The following NECTIN3 variants were observed in gnomAD, a reference collection of about 807,000 sequenced individuals.
NECTIN3 encodes nectin cell adhesion molecule 3, also known as nectin-3.
In NECTIN3, 8 loss-of-function variants were observed where a neutral mutation model predicts 49.4. That is an observed-to-expected ratio of 0.16 (90% CI 0.10 to 0.29). The LOEUF is 0.29. NECTIN3 is among the 10% of genes least tolerant of loss of function. The pLI is 1.00. For synonymous variants in NECTIN3, 277 were observed against 241.1 expected, an observed-to-expected ratio of 1.15 and a Z score of -1.38; for missense variants, 581 against 654.6, an observed-to-expected ratio of 0.89 and a Z score of 1.23.
At chr3:111,127,113 G>A (rs2034194281) in intron 5 of NECTIN3, among the ~76,000 whole-genome samples, 1 of 152,080 alleles carries the variant, frequency 6.6e-6, no homozygotes, top group African/African-American at 2.4e-5. Context: ...TCTAACAAAT[G>A]GAAAATTAAG....
At chr3:111,139,260 G>A (rs893674198), downstream of NECTIN3, among the ~76,000 whole-genome samples, 4 of 151,642 alleles carry the variant, frequency 2.6e-5, no homozygotes, top group Non-Finnish European at 5.9e-5. Context: ...CTAATTGTAT[G>A]TATTTTGCAG....
rs6804912 is a variant in NECTIN3, at chr3:111,193,129, G to A, written c.63+716G>A. 0.028 allele frequency: 37,339 copies of A among 1,325,906 alleles called. 3,089 individuals carry two copies. Among genetic ancestry groups the A allele is most frequent in the African/African-American group, 0.24 (16,256 of 67,940 alleles). 82.1% of individuals were successfully genotyped at this position (1,325,906 alleles called of 1,614,324 possible). On this transcript the variant is annotated intron_variant, in intron 1 of 1. Transcript: ENST00000485506. ...CTAAACTGTAGTGAATTCTATTCTT[G>A]CCTGTTTTTACCAGTGCTAGAAAAA...
intron 1 of NECTIN3, among the ~76,000 whole-genome samples, chr3:111,083,120 G>A (rs2031724006): frequency 6.6e-6 from 1 of 152,144 alleles, no homozygotes; most frequent in South Asian, 2.1e-4. Flanking sequence ...TTTCTGCTGT[G>A]CGGTCCAGTT....
chr3:111,072,597 C>T lies in NECTIN3; in HGVS notation c.160+420C>T, dbSNP rs1158490295. On this transcript the variant is annotated intron_variant, in intron 1 of 5. Coordinates refer to ENST00000485303, the MANE Select transcript of NECTIN3 (RefSeq NM_015480.3). ...AGCCCAGAAACCCTAGGGACCGGAG[C>T]CCGATGGAATGAAGCCTCCGGGTCC... 3.3e-6 allele frequency: 5 copies of T among 1,531,392 alleles called. No individual in the cohort carries two copies. The African/African-American group carries it at 5.5e-5, about 17-fold the overall frequency. 94.9% of individuals were successfully genotyped at this position (1,531,392 alleles called of 1,614,324 possible).
intron 7 of NECTIN3, among the ~76,000 whole-genome samples, chr3:111,155,381 T>C (rs996416798): frequency 6.6e-6 from 1 of 152,200 alleles, no homozygotes; most frequent in Non-Finnish European, 1.5e-5. Context: ...ACTTGATTGA[T>C]TCATGAGTAA....
At chr3:111,121,390 G>T (rs1331840399) in intron 3 of NECTIN3, among the ~76,000 whole-genome samples, 1 of 152,134 alleles carries the variant, frequency 6.6e-6, no homozygotes, top group African/African-American at 2.4e-5. Context: ...ATGAATGATA[G>T]TTATTGGACT....
intron 1 of NECTIN3, among the ~76,000 whole-genome samples, chr3:111,101,349 T>TA (rs776309862): frequency 6.6e-6 from 1 of 152,128 alleles, no homozygotes; most frequent in Non-Finnish European, 1.5e-5. Context: ...AATTGCTACT[T>TA]AAAGATTATT....
At chr3:111,187,456 C>T (rs990023849), upstream of NECTIN3, among the ~76,000 whole-genome samples, 1 of 152,184 alleles carries the variant, frequency 6.6e-6, no homozygotes, top group African/African-American at 2.4e-5. Flanking sequence ...GCAAATCACA[C>T]TCCTTAATAT....
intron 1 of NECTIN3, among the ~76,000 whole-genome samples, chr3:111,100,353 C>A (rs1293243711): frequency 6.6e-6 from 1 of 152,126 alleles, no homozygotes; most frequent in Non-Finnish European, 1.5e-5. Flanking sequence ...TTGAAACTTT[C>A]CATAGCTGAC....
intron 1 of NECTIN3, chr3:111,074,079 T>A (rs2030999853): frequency 2.7e-6 from 1 of 370,496 alleles, no homozygotes; most frequent in Non-Finnish European, 5.4e-6. Flanking sequence ...TCCTGTGTGC[T>A]ACTCATTTAA....
chr3:111,131,448 G>A (rs1214484857), intron 5 of NECTIN3, among the ~76,000 whole-genome samples: 3 of 151,914 alleles, frequency 2.0e-5, no homozygotes, highest in Admixed American at 6.6e-5. Context: ...TATTTTGCAC[G>A]CATTGTCATA....
upstream of NECTIN3, among the ~76,000 whole-genome samples, chr3:111,188,409 G>A (rs1006532836): frequency 3.3e-5 from 5 of 152,110 alleles, no homozygotes; most frequent in African/African-American, 1.2e-4. Context: ...TCAGAATATG[G>A]GATAGAGAAA....
intron 1 of NECTIN3, among the ~76,000 whole-genome samples, chr3:111,106,449 T>C (rs2033186561): frequency 6.6e-6 from 1 of 152,220 alleles, no homozygotes; most frequent in African/African-American, 2.4e-5. Context: ...GTTTATAGTG[T>C]TATTTATTTG....
chr3:111,182,100 ATTAG>A (rs1392948507), intron 7 of NECTIN3, among the ~76,000 whole-genome samples: 2 of 152,010 alleles, frequency 1.3e-5, no homozygotes, highest in Non-Finnish European at 2.9e-5. Flanking sequence ...TCTTTGCTTA[ATTAG>A]TTATTTAGAA....
chr3:111,114,635 G>A lies in NECTIN3; in HGVS notation c.502+2264G>A, dbSNP rs1429250519. ...TTTCGTAGGAGAAATAGTTGAGTCA[G>A]TCCTCAGTGGTGTGAGTAGGTTTTG... On this transcript the variant is annotated intron_variant, in intron 2 of 5. Coordinates refer to ENST00000485303, the MANE Select transcript of NECTIN3 (RefSeq NM_015480.3). Among the ~76,000 whole-genome samples the A allele has an allele frequency of 2.6e-5, 4 of 152,146 alleles. No individual in the cohort carries two copies. The East Asian group carries it at 7.7e-4, about 29-fold the overall frequency.
chr3:111,087,780 C>T (rs551339051), intron 1 of NECTIN3, among the ~76,000 whole-genome samples: 1 of 151,976 alleles, frequency 6.6e-6, no homozygotes, highest in Admixed American at 6.5e-5. Context: ...CTCACTGCAT[C>T]TTCTGCCTCC....
chr3:111,098,835 T>A (rs1359906922), intron 1 of NECTIN3, among the ~76,000 whole-genome samples: 1 of 152,024 alleles, frequency 6.6e-6, no homozygotes, highest in Non-Finnish European at 1.5e-5. Context: ...ACACTTTAAG[T>A]TTCCCAAGGT....
At chr3:111,072,525 C>T in intron 1 of NECTIN3, 1 of 1,535,880 alleles carries the variant, frequency 6.5e-7, no homozygotes, top group Non-Finnish European at 8.7e-7. Context: ...GTTAAGGTGC[C>T]GGGATGCACG....
At chr3:111,126,391 A>ATT in intron 5 of NECTIN3, 56 bp downstream of exon 5, 1 of 1,419,394 alleles carries the variant, frequency 7.0e-7, no homozygotes, top group Non-Finnish European at 9.8e-7. Flanking sequence ...GAATAATCAT[A>ATT]GTAACAATAT....
Sources: gnomAD v4.1 joint callset for allele counts (sites outside exome capture counted in the v4.1 genomes callset) on GRCh38, gnomAD v4.1.1 for gene constraint, MANE v1.5 for transcripts, NCBI Gene and HGNC (gene_info 2026-07-23, HGNC 2026-07-21) for gene names.